Variants in CNTNAP2 observed in about 807,000 individuals in gnomAD.
CNTNAP2 encodes the protein contactin-associated protein-like 2.
Under a neutral mutation model 155.2 loss-of-function variants are expected in CNTNAP2, and 98 were observed. The ratio of observed to expected loss-of-function variants is 0.63; its 90% confidence interval spans 0.54 to 0.75. The LOEUF (loss-of-function observed/expected upper bound fraction) is 0.75, where lower values mean the gene tolerates loss of function less well. CNTNAP2 is among the 30% of genes least tolerant of loss of function. The probability of loss-of-function intolerance (pLI) is 0.00; values close to 1 mark genes in which losing one functional copy is unlikely to be tolerated. For missense variants in CNTNAP2, 1,727 were observed against 1,688.1 expected, an observed-to-expected ratio of 1.02 and a Z score of -0.40; for synonymous variants, 651 against 631.2, an observed-to-expected ratio of 1.03 and a Z score of -0.47.
chr7:147,192,983 T>A (rs1355214644), intron 8 of CNTNAP2, among the ~76,000 whole-genome samples: 1 of 152,162 alleles, frequency 6.6e-6, no homozygotes, highest in Non-Finnish European at 1.5e-5. Context: ...ACCAATTATA[T>A]CACTAGATAT....
intron 8 of CNTNAP2, among the ~76,000 whole-genome samples, chr7:147,279,377 T>C (rs1804976207): frequency 1.3e-5 from 2 of 151,800 alleles, no homozygotes; most frequent in South Asian, 2.1e-4. Context: ...ATTCATTATT[T>C]CTCATAATAA....
intron 1 of CNTNAP2, among the ~76,000 whole-genome samples, chr7:146,552,052 C>T (rs1376368184): frequency 6.6e-6 from 1 of 151,996 alleles, no homozygotes; most frequent in Non-Finnish European, 1.5e-5. Context: ...ATAAGCTGGG[C>T]TCATGAAGGG....
At chr7:148,311,423 G>A (rs1332670912) in intron 21 of CNTNAP2, among the ~76,000 whole-genome samples, 1 of 152,066 alleles carries the variant, frequency 6.6e-6, no homozygotes, top group African/African-American at 2.4e-5. Flanking sequence ...AGATAGCTGG[G>A]GAGAGGTAGA....
intron 13 of CNTNAP2, among the ~76,000 whole-genome samples, chr7:147,676,853 C>A (rs1270482896): frequency 6.6e-6 from 1 of 151,902 alleles, no homozygotes; most frequent in Non-Finnish European, 1.5e-5. Flanking sequence ...CCTCCTTTTT[C>A]ATGGCTGAAT....
Position 147,058,809 on chromosome 7 carries a change from G to A in CNTNAP2, c.550+14755G>A, listed in dbSNP as rs546361569. On this transcript the variant is annotated intron_variant, in intron 4 of 23. Transcript: ENST00000361727. ...TTTAGTAGAGACGGGGTTTCACCAT[G>A]TTGGACAGGCTGGTTTTGAGCTCCT... 3.9e-4 allele frequency among the ~76,000 whole-genome samples: 59 copies of A among 152,310 alleles called. 1 individual carries two copies. Among genetic ancestry groups the A allele is most frequent in the African/African-American group, 1.3e-3 (55 of 41,566 alleles).
intron 14 of CNTNAP2, among the ~76,000 whole-genome samples, chr7:147,938,256 G>A (rs926996073): frequency 6.6e-6 from 1 of 152,030 alleles, no homozygotes; most frequent in Non-Finnish European, 1.5e-5. Flanking sequence ...ATATAAAAAG[G>A]GAAAGAAATG....
intron 3 of CNTNAP2, among the ~76,000 whole-genome samples, chr7:147,034,545 A>G (rs1172216829): frequency 1.3e-5 from 2 of 152,180 alleles, no homozygotes; most frequent in South Asian, 2.1e-4. Context: ...AATCGGTTCA[A>G]TTAGACCCCC....
At chr7:147,881,003 TAC>T (rs1272291699) in intron 13 of CNTNAP2, among the ~76,000 whole-genome samples, 1 of 152,078 alleles carries the variant, frequency 6.6e-6, no homozygotes, top group African/African-American at 2.4e-5. Flanking sequence ...GGTAGAACCC[TAC>T]CATAAGACCA....
intron 15 of CNTNAP2, among the ~76,000 whole-genome samples, chr7:148,040,374 T>C (rs1282473275): frequency 6.6e-6 from 1 of 152,198 alleles, no homozygotes; most frequent in African/African-American, 2.4e-5. Flanking sequence ...TTACCTCAGA[T>C]GAAACTTCAT....
chr7:148,151,231 G>C (rs1257968787), intron 17 of CNTNAP2, among the ~76,000 whole-genome samples: 1 of 152,064 alleles, frequency 6.6e-6, no homozygotes, highest in African/African-American at 2.4e-5. Flanking sequence ...AGTATTAAAT[G>C]AGATATTCCA....
intron 3 of CNTNAP2, among the ~76,000 whole-genome samples, chr7:147,034,602 C>T (rs1799110913): frequency 6.6e-6 from 1 of 152,164 alleles, no homozygotes; most frequent in Non-Finnish European, 1.5e-5. Flanking sequence ...GGGTTCTTGC[C>T]TTGGTGTATC....
intron 16 of CNTNAP2, among the ~76,000 whole-genome samples, chr7:148,118,607 A>G (rs1385015314): frequency 6.6e-6 from 1 of 152,186 alleles, no homozygotes; most frequent in African/African-American, 2.4e-5. Flanking sequence ...TTCCAAAGAG[A>G]CAGGGTCAAA....
rs151116654 is a variant in CNTNAP2, at chr7:146,892,655, A to G, written c.402+52751A>G. On this transcript the variant is annotated intron_variant, in intron 3 of 23. Coordinates refer to ENST00000361727, the MANE Select transcript of CNTNAP2 (RefSeq NM_014141.6). ...GCTGGGCGTGGTGGCACATGCCTGTAATCCCAGCTACTTGGGAGGCTGATG... is the reference window on the plus strand; with the variant it reads ...GCTGGGCGTGGTGGCACATGCCTGTGATCCCAGCTACTTGGGAGGCTGATG... Among the ~76,000 whole-genome samples, 1,134 of 152,306 alleles carry G rather than the reference A, an allele frequency of 7.4e-3. 10 individuals are homozygous for G. The highest frequency in any genetic ancestry group is 0.026 in the African/African-American group (1,062 of 41,562).
intron 3 of CNTNAP2, among the ~76,000 whole-genome samples, chr7:146,905,839 C>A (rs547079997): frequency 6.6e-6 from 1 of 152,172 alleles, no homozygotes; most frequent in African/African-American, 2.4e-5. Flanking sequence ...CAGCTCCCAG[C>A]GTGAGCGATG....
At chr7:146,562,392 G>T (rs1425404479) in intron 1 of CNTNAP2, among the ~76,000 whole-genome samples, 2 of 152,124 alleles carry the variant, frequency 1.3e-5, no homozygotes, top group East Asian at 3.9e-4. Context: ...AATTAAAAAG[G>T]TTAGCCTTTC....
At chr7:146,311,830 T>C (rs1800830226) in intron 1 of CNTNAP2, 1 of 151,042 alleles carries the variant, frequency 6.6e-6, no homozygotes, top group African/African-American at 2.4e-5. Flanking sequence ...AAAATATATA[T>C]ATATATTAGA....
At chr7:147,598,987 T>G (rs1800885374) in intron 12 of CNTNAP2, among the ~76,000 whole-genome samples, 1 of 152,152 alleles carries the variant, frequency 6.6e-6, no homozygotes, top group African/African-American at 2.4e-5. Flanking sequence ...GTTAAACCTC[T>G]TTCCTTATAA....
At chr7:148,083,592 A>T (rs183057168) in intron 15 of CNTNAP2, among the ~76,000 whole-genome samples, 9 of 152,334 alleles carry the variant, frequency 5.9e-5, no homozygotes, top group Admixed American at 5.9e-4. Flanking sequence ...GGGCAGAAAC[A>T]TTCAAACATT....
intron 4 of CNTNAP2, among the ~76,000 whole-genome samples, chr7:147,077,482 G>A (rs1379735532): frequency 6.6e-6 from 1 of 152,156 alleles, no homozygotes; most frequent in African/African-American, 2.4e-5. Flanking sequence ...TTCTTAGGTA[G>A]ACGCAAGATC....
Sources: gnomAD v4.1 joint callset for allele counts (sites outside exome capture counted in the v4.1 genomes callset) on GRCh38, gnomAD v4.1.1 for gene constraint, MANE v1.5 for transcripts, NCBI Gene and HGNC (gene_info 2026-07-23, HGNC 2026-07-21) for gene names.